Variants in FBXL18 observed in about 807,000 individuals in gnomAD.
The protein encoded by FBXL18 is F-box/LRR-repeat protein 18.
In FBXL18, 36 loss-of-function variants were observed where a neutral mutation model predicts 46.0. The observed-to-expected ratio is 0.78, with a 90% CI of 0.60 to 1.03. The LOEUF (loss-of-function observed/expected upper bound fraction) is 1.03. FBXL18 is among the 50% of genes least tolerant of loss of function. FBXL18 has a pLI of 0.00. For synonymous variants in FBXL18, 557 were observed against 465.3 expected (o/e 1.20, Z -2.54); for missense variants, 977 against 1,004.1 (o/e 0.97, Z 0.36).
rs556653614 is a variant in FBXL18, at chr7:5,477,916, C to G, written c.*3859G>C. On this transcript the variant is annotated 3_prime_UTR_variant, in exon 5 of 5. Transcript: ENST00000382368. The surrounding 1 kb of genome is among the most constrained non-coding windows in gnomAD (Gnocchi z 4.4). Reference sequence around the variant, plus strand: ...GCTTCATTGGCCGGCAGGGGCCCAGCCCTCAGCTGTTGGAGCCCTACGGCT... The same window carrying G: ...GCTTCATTGGCCGGCAGGGGCCCAGGCCTCAGCTGTTGGAGCCCTACGGCT... 2 of 152,638 alleles carry G rather than the reference C, an allele frequency of 1.3e-5. No homozygotes were observed. The highest frequency in any genetic ancestry group is 2.1e-4 in the South Asian group (1 of 4,836). 9.5% of individuals were successfully genotyped at this position (152,638 alleles called of 1,614,324 possible).
intron 4 of FBXL18, among the ~76,000 whole-genome samples, chr7:5,467,126 C>A (rs1783352380): frequency 6.6e-6 from 1 of 152,204 alleles, no homozygotes; most frequent in South Asian, 2.1e-4. Flanking sequence ...CGAAGGCGGG[C>A]GGATCACGAG....
chr7:5,462,733 C>T (rs1204999605), intron 4 of FBXL18, among the ~76,000 whole-genome samples: 3 of 151,330 alleles, frequency 2.0e-5, no homozygotes, highest in African/African-American at 7.3e-5. Context: ...GGATGGATCA[C>T]GAGGTCAGGA....
chr7:5,509,266 C>G (rs1025820090), intron 1 of FBXL18, among the ~76,000 whole-genome samples: 1 of 151,508 alleles, frequency 6.6e-6, no homozygotes, highest in Non-Finnish European at 1.5e-5. Flanking sequence ...TTCTTAAAAC[C>G]TCATAGAAAT....
At chr7:5,483,163 G>A (rs1783690649) in intron 4 of FBXL18, among the ~76,000 whole-genome samples, 3 of 152,088 alleles carry the variant, frequency 2.0e-5, no homozygotes, top group Admixed American at 1.3e-4. Context: ...CATCCAGGAC[G>A]GGCGCAGTGA....
intron 1 of FBXL18, among the ~76,000 whole-genome samples, chr7:5,506,812 G>A (rs1033658199): frequency 2.0e-5 from 3 of 152,210 alleles, no homozygotes; most frequent in African/African-American, 7.2e-5. Context: ...CCTCCACAAC[G>A]CTAGCCTTTC....
chr7:5,481,645 G>C lies in FBXL18; in HGVS notation c.*130C>G. 1 of 946,976 alleles carries C rather than the reference G, an allele frequency of 1.1e-6. No homozygotes were observed. Among genetic ancestry groups the C allele is most frequent in the Non-Finnish European group, 1.6e-6 (1 of 620,536 alleles). 58.7% of individuals were successfully genotyped at this position (946,976 alleles called of 1,614,324 possible). A position where few individuals can be genotyped will look rare whatever the true frequency, so the allele number is the denominator to read the frequency against. On this transcript the variant is annotated 3_prime_UTR_variant, in exon 5 of 5. Transcript: ENST00000382368. ...AGCCGTGGAGACGCCGGGAGCCCCA[G>C]GAGCCAGGTGGGGCGTGGCTGGCCG... is the stretch of plus-strand genomic sequence containing the variant.
At chr7:5,481,955 C>G (rs370138810) in intron 4 of FBXL18, 24 bp from the exon 5 acceptor site, 1 of 1,582,906 alleles carries the variant, frequency 6.3e-7, no homozygotes. Context: ...AGGCGGTCAG[C>G]GGATTACATG....
At chr7:5,503,253 G>A (rs967183182) in intron 2 of FBXL18, among the ~76,000 whole-genome samples, 3 of 152,198 alleles carry the variant, frequency 2.0e-5, no homozygotes, top group Admixed American at 1.3e-4. Context: ...GCGTAGTGGC[G>A]CACACCTGTG....
In FBXL18 at chr7:5,478,401, A is replaced by G. The variant is rs1255613075; in HGVS notation, c.*3374T>C. On this transcript the variant is annotated 3_prime_UTR_variant, in exon 5 of 5. Coordinates refer to ENST00000382368, the MANE Select transcript of FBXL18 (RefSeq NM_024963.6). ...GCTTTGCTCTGGGTCATCAGGCTCA[A>G]GTGCCTGCTCTGGGCCACCTTCGGA... 1 of 152,360 alleles carries G rather than the reference A, an allele frequency of 6.6e-6. No individual in the cohort carries two copies. The highest frequency in any genetic ancestry group is 6.5e-5 in the Admixed American group (1 of 15,284). The allele number at this position is 152,360 out of a possible 1,614,324, so 9.4% of individuals were successfully genotyped here. A position where few individuals can be genotyped will look rare whatever the true frequency, so the allele number is the denominator to read the frequency against.
At chr7:5,471,025 C>T (rs1584189729), downstream of FBXL18, among the ~76,000 whole-genome samples, 1 of 152,200 alleles carries the variant, frequency 6.6e-6, no homozygotes, top group African/African-American at 2.4e-5. Context: ...CTGTGCGACA[C>T]GCTAACCACC....
chr7:5,490,578 T>C (rs1783895957), intron 4 of FBXL18, among the ~76,000 whole-genome samples: 1 of 152,158 alleles, frequency 6.6e-6, no homozygotes, highest in African/African-American at 2.4e-5. Context: ...GGAAAGGTTC[T>C]CTGTTCAATC....
chr7:5,470,307 G>A (rs1412140294), intron 4 of FBXL18, among the ~76,000 whole-genome samples: 5 of 152,100 alleles, frequency 3.3e-5, no homozygotes, highest in African/African-American at 4.8e-5. Flanking sequence ...CAGGGGCCCC[G>A]TGACCAAGGC....
At chr7:5,507,651 T>C (rs901370089) in intron 1 of FBXL18, among the ~76,000 whole-genome samples, 3 of 151,034 alleles carry the variant, frequency 2.0e-5, no homozygotes, top group African/African-American at 4.9e-5. Flanking sequence ...CTGGCCAACA[T>C]GGTGAAACCC....
chr7:5,455,281 C>T lies in FBXL18; in HGVS notation c.2001-7438G>A, dbSNP rs933035468. On this transcript the variant is annotated intron_variant and NMD_transcript_variant, in intron 4 of 6. Coordinates refer to the FBXL18 transcript ENST00000415009. This position sits in a 1 kb window ranked among gnomAD's most constrained non-coding sequence, Gnocchi z 4.6. ...ATCTGGGGAGCAGTATCGGGAGCAC[C>T]TGCAGGGAGTATTCTCGGGCATATG... is the stretch of plus-strand genomic sequence containing the variant. 6.6e-6 allele frequency among the ~76,000 whole-genome samples: 1 copy of T among 151,990 alleles called. No individual in the cohort carries two copies. The highest frequency in any genetic ancestry group is 1.5e-5 in the Non-Finnish European group (1 of 67,980).
intron 4 of FBXL18, 56 bp downstream of exon 4, chr7:5,491,175 C>A: frequency 6.7e-7 from 1 of 1,489,994 alleles, no homozygotes; most frequent in Non-Finnish European, 9.2e-7. Flanking sequence ...GACCAGGTCA[C>A]GGGATGCTGG....
intron 1 of FBXL18, among the ~76,000 whole-genome samples, chr7:5,508,790 G>C (rs1044208084): frequency 6.6e-6 from 1 of 152,036 alleles, no homozygotes; most frequent in Non-Finnish European, 1.5e-5. Context: ...ATCAAGGAAT[G>C]AACTGTACCC....
downstream of FBXL18, among the ~76,000 whole-genome samples, chr7:5,474,679 CTTTATTTT>C (rs1383166032): frequency 7.7e-6 from 1 of 129,710 alleles, no homozygotes; most frequent in Non-Finnish European, 1.7e-5. Flanking sequence ...AAATTATGCA[CTTTATTTT>C]TTATTTATTT....
chr7:5,500,383 T>A, intron 3 of FBXL18, 105 bp downstream of exon 3: 1 of 1,075,746 alleles, frequency 9.3e-7, no homozygotes, highest in Non-Finnish European at 1.3e-6. Flanking sequence ...CGCCCCAGCC[T>A]CTGCACTCCT....
downstream of FBXL18, among the ~76,000 whole-genome samples, chr7:5,474,882 G>C (rs1200585231): frequency 2.0e-5 from 3 of 149,828 alleles, no homozygotes; most frequent in African/African-American, 7.3e-5. Flanking sequence ...TAATATTTTT[G>C]TATTTTCAGT....
Sources: gnomAD v4.1 joint callset for allele counts (sites outside exome capture counted in the v4.1 genomes callset) on GRCh38, gnomAD v4.1.1 for gene constraint, Gnocchi (gnomAD v3.1) non-coding constraint, MANE v1.5 for transcripts, NCBI Gene and HGNC (gene_info 2026-07-23, HGNC 2026-07-21) for gene names.